CALN1: variants seen among roughly 807,000 people sequenced by gnomAD.
CALN1 encodes calcium-binding protein 8.
In CALN1, 17 loss-of-function variants were observed where a neutral mutation model predicts 30.6. The observed-to-expected ratio is 0.56, with a 90% confidence interval of 0.38 to 0.83. The LOEUF (loss-of-function observed/expected upper bound fraction) is 0.83, where lower values mean the gene tolerates loss of function less well. CALN1 is among the 40% of genes least tolerant of loss of function. The probability of loss-of-function intolerance (pLI) is 0.00; values close to 1 mark genes in which losing one functional copy is unlikely to be tolerated. For synonymous variants in CALN1, 156 were observed against 131.4 expected (o/e 1.19, Z -1.28); for missense variants, 291 against 354.9 (o/e 0.82, Z 1.45).
chr7:72,279,042 T>C (rs532009750), intron 2 of CALN1, among the ~76,000 whole-genome samples: 1 of 152,300 alleles, frequency 6.6e-6, no homozygotes, highest in African/African-American at 2.4e-5. Flanking sequence ...ATTTTCCCCA[T>C]TTAATTATGA....
chr7:71,965,884 TG>T lies in CALN1; in HGVS notation c.501+57772del, dbSNP rs1248340879. ...ATTTAAAAGCCTAGAGGATCTTTCT[TG>T]GTCTTCTTCCTGTAGAAAAGGACAG... On this transcript the variant is annotated intron_variant, in intron 5 of 6. Transcript: ENST00000395275. Among the ~76,000 whole-genome samples, 4 of 152,228 alleles carry T rather than the reference TG, an allele frequency of 2.6e-5. No individual in the cohort carries two copies. In the South Asian group the frequency reaches 8.3e-4, roughly 32 times the overall value.
intron 5 of CALN1, among the ~76,000 whole-genome samples, chr7:71,979,361 T>C (rs1030091116): frequency 2.6e-5 from 4 of 152,204 alleles, no homozygotes; most frequent in African/African-American, 9.6e-5. Context: ...GCCCTGGGCT[T>C]GTTTCCCTGT....
chr7:71,964,290 T>G (rs1797418279), intron 5 of CALN1, among the ~76,000 whole-genome samples: 1 of 151,460 alleles, frequency 6.6e-6, no homozygotes, highest in African/African-American at 2.4e-5. Flanking sequence ...GGAGCATTTT[T>G]GGGCTCTGAC....
At chr7:71,897,965 CA>C (rs1217388366) in intron 5 of CALN1, among the ~76,000 whole-genome samples, 3 of 55,126 alleles carry the variant, frequency 5.4e-5, no homozygotes, top group African/African-American at 1.1e-4. Context: ...TGGAAAAAAA[CA>C]AAAAACAAAA....
intron 2 of CALN1, among the ~76,000 whole-genome samples, chr7:72,298,799 GT>G (rs1392979718): frequency 3.0e-3 from 159 of 53,528 alleles, no homozygotes; most frequent in East Asian, 0.016. Flanking sequence ...AGATCTGATG[GT>G]TTTAAAAAAA....
At chr7:72,462,091 C>T in the CALN1 span, among the ~76,000 whole-genome samples, 3 of 151,960 alleles carry the variant, frequency 2.0e-5, no homozygotes, top group African/African-American at 4.8e-5. Context: ...TGCCAGGAAA[C>T]AGGTCAAAGA....
In CALN1 at chr7:72,338,485, G is replaced by GTGTGTGTGTGTGTC. The variant is rs1484747385; in HGVS notation, c.120-59676_120-59675insGACACACACACACA. On this transcript the variant is annotated intron_variant, in intron 2 of 6. Transcript: ENST00000395275. ...CCAGCAGCACAGTGTGTGTGTGTGT[G>GTGTGTGTGTGTGTC]TGTGTGTGTGTGTGTGTGTGTGTGT... 1.3e-4 allele frequency among the ~76,000 whole-genome samples: 17 copies of GTGTGTGTGTGTGTC among 128,132 alleles called. No homozygotes were observed. In the East Asian group the frequency reaches 3.0e-3, roughly 23 times the overall value. 84.1% of individuals were successfully genotyped at this position (128,132 alleles called of 152,430 possible).
At chr7:71,881,197 C>T (rs1486077476) in intron 5 of CALN1, among the ~76,000 whole-genome samples, 3 of 152,180 alleles carry the variant, frequency 2.0e-5, no homozygotes, top group Non-Finnish European at 1.5e-5. Flanking sequence ...GGCTCTCAGG[C>T]CTTTTGGCCA....
chr7:72,252,776 T>C (rs1438012784), intron 3 of CALN1, among the ~76,000 whole-genome samples: 2 of 152,062 alleles, frequency 1.3e-5, no homozygotes, highest in Admixed American at 6.6e-5. Context: ...TTCCTGCTTA[T>C]TTTATTTTCT....
At chr7:72,408,175 G>A (rs1331628021) in intron 1 of CALN1, among the ~76,000 whole-genome samples, 2 of 151,214 alleles carry the variant, frequency 1.3e-5, no homozygotes, top group Non-Finnish European at 2.9e-5. Context: ...GCTCACATCT[G>A]TAATCCCAGC....
At chr7:72,388,187 T>C (rs556526192) in intron 2 of CALN1, among the ~76,000 whole-genome samples, 2 of 152,278 alleles carry the variant, frequency 1.3e-5, no homozygotes, top group African/African-American at 4.8e-5. Flanking sequence ...ATTTGATCAA[T>C]ACACAATCCA....
intron 3 of CALN1, among the ~76,000 whole-genome samples, chr7:72,245,618 C>CTAAA (rs36174609): frequency 0.2 from 28,100 of 143,240 alleles, 2,829 homozygotes; most frequent in African/African-American, 0.22. Flanking sequence ...AACTCCATCT[C>CTAAA]TAAATAAATA....
chr7:72,210,919 G>C (rs1234100882), intron 3 of CALN1, among the ~76,000 whole-genome samples: 1 of 151,934 alleles, frequency 6.6e-6, no homozygotes, highest in African/African-American at 2.4e-5. Flanking sequence ...AGCTGGGATG[G>C]TGGTACAAGC....
intron 4 of CALN1, among the ~76,000 whole-genome samples, chr7:72,029,809 A>G (rs1216333767): frequency 2.0e-5 from 3 of 152,200 alleles, no homozygotes; most frequent in South Asian, 2.1e-4. Context: ...CCTGAGTTGT[A>G]TTCTTTTCTA....
intron 3 of CALN1, among the ~76,000 whole-genome samples, chr7:72,172,953 C>T (rs1394141352): frequency 1.3e-5 from 2 of 151,728 alleles, no homozygotes; most frequent in African/African-American, 4.8e-5. Flanking sequence ...TAGGTCTTAG[C>T]CATTGCAATA....
At chr7:72,194,387 A>T (rs527695133) in intron 3 of CALN1, among the ~76,000 whole-genome samples, 2 of 152,010 alleles carry the variant, frequency 1.3e-5, no homozygotes, top group Admixed American at 6.5e-5. Context: ...AAAATTAGCC[A>T]GGTGTGGTGG....
chr7:72,234,110 CAGTA>C (rs1794306758), intron 3 of CALN1, among the ~76,000 whole-genome samples: 1 of 152,098 alleles, frequency 6.6e-6, no homozygotes, highest in African/African-American at 2.4e-5. Context: ...TACAAGGAAA[CAGTA>C]AGGTTGAGAA....
intron 3 of CALN1, among the ~76,000 whole-genome samples, chr7:72,253,556 A>C (rs1795707602): frequency 6.6e-6 from 1 of 152,206 alleles, no homozygotes; most frequent in Admixed American, 6.5e-5. Context: ...AAGCAAGAGA[A>C]ACAGAGAACG....
chr7:71,881,220 T>G (rs1291132606), intron 5 of CALN1, among the ~76,000 whole-genome samples: 4 of 152,200 alleles, frequency 2.6e-5, no homozygotes, highest in Admixed American at 2.0e-4. Context: ...GACTGAAGGC[T>G]GCACTGTTGA....
Sources: allele counts gnomAD v4.1 joint callset (sites outside exome capture counted in the v4.1 genomes callset), GRCh38; gene constraint gnomAD v4.1.1; transcripts MANE v1.5; gene names NCBI Gene and HGNC (gene_info 2026-07-23, HGNC 2026-07-21).